The following DHRS11 variants were observed in gnomAD, a reference collection of about 807,000 sequenced individuals.
DHRS11 encodes dehydrogenase/reductase 11.
A neutral mutation model predicts 30.7 loss-of-function variants in DHRS11; 18 were observed. The ratio of observed to expected loss-of-function variants is 0.59; its 90% confidence interval spans 0.41 to 0.87. The LOEUF (loss-of-function observed/expected upper bound fraction) is 0.87, where lower values mean the gene tolerates loss of function less well. Among genes scored for constraint, DHRS11 ranks in the 40% least tolerant of loss-of-function variants. The pLI is 0.00. For missense variants in DHRS11, 300 were observed against 349.0 expected, an observed-to-expected ratio of 0.86 and a Z score of 1.12; for synonymous variants, 123 against 139.6, an observed-to-expected ratio of 0.88 and a Z score of 0.84.
chr17:36,599,466 T>C (rs939648236), intron 4 of DHRS11: 1 of 596,224 alleles, frequency 1.7e-6, no homozygotes, highest in African/African-American at 1.9e-5. Context: ...TGTAAAACGT[T>C]TACCTGACAT....
chr17:36,593,278 G>A (rs1352648269), intron 1 of DHRS11, among the ~76,000 whole-genome samples: 1 of 152,186 alleles, frequency 6.6e-6, no homozygotes, highest in African/African-American at 2.4e-5. Flanking sequence ...TCAGTCCCAG[G>A]GTGACTCCAT....
chr17:36,598,820 G>A lies in DHRS11; in HGVS notation c.453-101G>A, dbSNP rs145977011. On this transcript the variant is annotated intron_variant, in intron 3 of 6. Transcript: ENST00000618403. ...AGAGGTCCCCTTTAGAAGTCTTCCCGATGGGCATCTGGGTGGTGGGGCTGA... is the reference window on the plus strand; with the variant it reads ...AGAGGTCCCCTTTAGAAGTCTTCCCAATGGGCATCTGGGTGGTGGGGCTGA... 8.7e-3 allele frequency: 12,735 copies of A among 1,467,654 alleles called. 68 individuals are homozygous for A. Among genetic ancestry groups the A allele is most frequent in the Non-Finnish European group, 9.8e-3 (10,667 of 1,089,260 alleles). 90.9% of individuals were successfully genotyped at this position (1,467,654 alleles called of 1,614,324 possible).
Position 36,600,015 on chromosome 17 carries a change from T to G in DHRS11, c.719T>G (p.Leu240Arg). The part of the protein sequence containing the change: ...EDVAEAVIYV[L>R]STPAHIQIGD... ...GTGGCCGAGGCTGTTATCTACGTCC[T>G]CAGCACCCCCGCACACATCCAGGTG... The change falls in exon 6 of 7, where the codon CTC (leucine) becomes CGC (arginine). Residue 240 changes from leucine to arginine, a missense_variant. Leu to Arg is a moderately radical substitution (Grantham distance 102). Transcript: ENST00000618403. The G allele has an allele frequency of 6.2e-7, 1 of 1,613,844 alleles. No homozygotes were observed.
chr17:36,598,351 G>A lies in DHRS11; in HGVS notation c.452+94G>A. 5 of 1,145,538 alleles carry A rather than the reference G, an allele frequency of 4.4e-6. No individual in the cohort carries two copies. The South Asian group carries it at 6.5e-5, about 15-fold the overall frequency. The allele number at this position is 1,145,538 out of a possible 1,614,324, so 71.0% of individuals were successfully genotyped here. On this transcript the variant is annotated intron_variant, in intron 3 of 6. Coordinates refer to ENST00000618403, the MANE Select transcript of DHRS11 (RefSeq NM_024308.4). Reference sequence around the variant, plus strand: ...CTCTTTGGACCTCAGTTTCCTTGGTGGGAAAATACAGATTTAATACCTGAA... The same window carrying A: ...CTCTTTGGACCTCAGTTTCCTTGGTAGGAAAATACAGATTTAATACCTGAA...
At chr17:36,597,859 A>G in intron 2 of DHRS11, 2 of 511,170 alleles carry the variant, frequency 3.9e-6, no homozygotes, top group South Asian at 4.5e-5. Context: ...CATAGAGGAG[A>G]TGGCCAAGAC....
Position 36,599,067 on chromosome 17 carries a change from G to C in DHRS11, c.582+17G>C. On this transcript the variant is annotated intron_variant, in intron 4 of 6. Transcript: ENST00000618403. ...CGAGCCACGGTGAGGCTGTGGCCTA[G>C]CCCTGGTGGGCACAGGGTGGCGCAG... 1 of 1,608,992 alleles carries C rather than the reference G, an allele frequency of 6.2e-7. No individual in the cohort carries two copies.
intron 2 of DHRS11, 101 bp from the exon 3 acceptor site, chr17:36,598,062 G>T: frequency 2.5e-6 from 3 of 1,193,738 alleles, no homozygotes; most frequent in Non-Finnish European, 3.7e-6. Flanking sequence ...ACACTGTTTT[G>T]GAATGCCACA....
chr17:36,599,282 T>C, intron 4 of DHRS11: 2 of 684,912 alleles, frequency 2.9e-6, no homozygotes. Context: ...GGGAGGGGGC[T>C]GACCTGAGGG....
chr17:36,596,125 A>C (rs147072603), intron 2 of DHRS11, among the ~76,000 whole-genome samples: 2 of 151,664 alleles, frequency 1.3e-5, no homozygotes, highest in Non-Finnish European at 2.9e-5. Context: ...TAGTTGCTCT[A>C]TGGTGGTGTG....
rs2074797706 is a variant in DHRS11, at chr17:36,595,009, G to C, written c.186G>C (p.Gly62=). Residue 62 remains glycine, a synonymous_variant, in exon 2 of 7, where the codon GGG becomes GGC. Coordinates refer to ENST00000618403, the MANE Select transcript of DHRS11 (RefSeq NM_024308.4). The part of the protein sequence containing the change: ...AAECKSAGYP[G]TLIPYRCDLS... ...AATGTAAGAGTGCAGGCTACCCCGG[G>C]ACTTTGATCCCCTACAGATGTGACC... 1 of 1,614,036 alleles carries C rather than the reference G, an allele frequency of 6.2e-7. No individual in the cohort carries two copies. Among genetic ancestry groups the C allele is most frequent in the African/African-American group, 1.3e-5 (1 of 74,902 alleles).
chr17:36,596,273 G>C (rs555401983), intron 2 of DHRS11: 1 of 152,494 alleles, frequency 6.6e-6, no homozygotes, highest in African/African-American at 2.4e-5. Context: ...CTATTCTCCT[G>C]CCTCAGCCTC....
In DHRS11 at chr17:36,591,963, C is replaced by T. The variant is rs1205751944; in HGVS notation, c.-47C>T. ...GAGCGGCCGGGCGTCAGCTCCTCGA[C>T]CCCCGTGTCGGGCTAGTCCAGCGAG... On this transcript the variant is annotated 5_prime_UTR_variant, in exon 1 of 7. Coordinates refer to ENST00000618403, the MANE Select transcript of DHRS11 (RefSeq NM_024308.4). 1.2e-5 allele frequency: 15 copies of T among 1,222,282 alleles called. No individual in the cohort carries two copies. Among genetic ancestry groups the T allele is most frequent in the Non-Finnish European group, 1.5e-5 (15 of 982,102 alleles). The allele number at this position is 1,222,282 out of a possible 1,614,324, so 75.7% of individuals were successfully genotyped here.
chr17:36,595,846 T>C (rs773028996), intron 2 of DHRS11, among the ~76,000 whole-genome samples: 2 of 152,150 alleles, frequency 1.3e-5, no homozygotes, highest in Non-Finnish European at 2.9e-5. Flanking sequence ...CTTGGGAACG[T>C]GATGTTATGG....
At position 36,600,097 on chromosome 17, in the gene DHRS11, A is replaced by G. The variant is rs1310884163; in HGVS notation, c.741+60A>G. On this transcript the variant is annotated intron_variant, in intron 6 of 6. Coordinates refer to ENST00000618403, the MANE Select transcript of DHRS11 (RefSeq NM_024308.4). ...AACCCAACCAGCCCCAGAGGAGGGG[A>G]GCAGGGAGCCCTGCAGGGCCAGGGG... The G allele has an allele frequency of 5.0e-6, 8 of 1,613,536 alleles. No homozygotes were observed. In the African/African-American group the frequency reaches 9.4e-5, roughly 19 times the overall value.
chr17:36,598,536 T>C (rs1457974346), intron 3 of DHRS11: 2 of 543,194 alleles, frequency 3.7e-6, no homozygotes, highest in East Asian at 3.2e-5. Flanking sequence ...CCCCACCTCA[T>C]GGCACAAAGA....
chr17:36,598,844 G>T, intron 3 of DHRS11, 77 bp from the exon 4 acceptor site: 1 of 1,538,186 alleles, frequency 6.5e-7, no homozygotes, highest in South Asian at 1.2e-5. Flanking sequence ...TGGTGGGGCT[G>T]ACCGGGTACG....
intron 3 of DHRS11, chr17:36,598,485 C>G: frequency 5.2e-6 from 3 of 580,616 alleles, no homozygotes; most frequent in Non-Finnish European, 9.1e-6. Flanking sequence ...TGGGGCCTCT[C>G]CTGGGACTAA....
In DHRS11 at chr17:36,600,310, C is replaced by A. The variant is rs1473499659; in HGVS notation, c.*107C>A. 4 of 1,337,438 alleles carry A rather than the reference C, an allele frequency of 3.0e-6. No individual in the cohort carries two copies. Among genetic ancestry groups the A allele is most frequent in the Non-Finnish European group, 3.1e-6 (3 of 952,526 alleles). The allele number at this position is 1,337,438 out of a possible 1,614,324, so 82.8% of individuals were successfully genotyped here. ...CACGGGATACCACTTCCTGTCCACA[C>A]CCCGACCAGGGGCTAGAAAATTTGT... On this transcript the variant is annotated 3_prime_UTR_variant, in exon 7 of 7. Transcript: ENST00000618403.
At chr17:36,599,879 G>C (rs2074843154) in intron 5 of DHRS11, 93 bp from the exon 6 acceptor site, 1 of 1,577,756 alleles carries the variant, frequency 6.3e-7, no homozygotes, top group African/African-American at 1.3e-5. Context: ...GAGGGTTGGG[G>C]TGGATGTGTG....
Sources: gnomAD v4.1 joint callset for allele counts (sites outside exome capture counted in the v4.1 genomes callset) on GRCh38, gnomAD v4.1.1 for gene constraint, MANE v1.5 for transcripts, NCBI Gene and HGNC (gene_info 2026-07-23, HGNC 2026-07-21) for gene names.